Variants in ISM1 observed in about 807,000 individuals in gnomAD.
ISM1 encodes isthmin-1.
A neutral mutation model predicts 46.3 loss-of-function variants in ISM1; 25 were observed. The ratio of observed to expected loss-of-function variants is 0.54; its 90% CI spans 0.39 to 0.75. The LOEUF (loss-of-function observed/expected upper bound fraction) is 0.75, where lower values mean the gene tolerates loss of function less well. ISM1 is among the 30% of genes least tolerant of loss of function. The pLI, the probability that ISM1 is intolerant of heterozygous loss-of-function variation, is 0.00. For missense variants in ISM1, 536 were observed against 625.4 expected, an observed-to-expected ratio of 0.86 and a Z score of 1.52; for synonymous variants, 255 against 256.7, an observed-to-expected ratio of 0.99 and a Z score of 0.06.
At chr20:13,313,141 C>T in the ISM1 span, among the ~76,000 whole-genome samples, 3 of 152,194 alleles carry the variant, frequency 2.0e-5, no homozygotes, top group Non-Finnish European at 4.4e-5. Flanking sequence ...GCCCACAGAT[C>T]CCTTCTACAG....
chr20:13,227,440 TG>T (rs1171646661), intron 1 of ISM1, among the ~76,000 whole-genome samples: 2 of 151,624 alleles, frequency 1.3e-5, no homozygotes, highest in Admixed American at 6.6e-5. Flanking sequence ...CCTGACCTCA[TG>T]ATCTGCCCGC....
Position 13,299,069 on chromosome 20 carries a change from C to G in ISM1, c.1005C>G (p.Ala335=). ...CCACTGAGGTGGCCTACAGCACGGC[C>G]GACATCTTCGACCGCATCAAGCGCA... The part of the protein sequence containing the change: ...SYPTEVAYST[A]DIFDRIKRKD... The change falls in exon 6 of 6, where the codon GCC becomes GCG. Residue 335 remains alanine, a synonymous_variant. Coordinates refer to ENST00000262487, the MANE Select transcript of ISM1 (RefSeq NM_080826.2). The surrounding 1 kb of genome is among the most constrained non-coding windows in gnomAD (Gnocchi z 5.8). The G allele has an allele frequency of 6.2e-7, 1 of 1,613,770 alleles. No individual in the cohort carries two copies. Among genetic ancestry groups the G allele is most frequent in the East Asian group, 2.2e-5 (1 of 44,870 alleles).
chr20:13,259,530 A>G (rs2039965847), intron 1 of ISM1, among the ~76,000 whole-genome samples: 1 of 152,226 alleles, frequency 6.6e-6, no homozygotes, highest in East Asian at 1.9e-4. Flanking sequence ...AATGAATGAA[A>G]GAAAAGGAAG....
intron 2 of ISM1, among the ~76,000 whole-genome samples, chr20:13,278,960 G>A (rs1431511783): frequency 3.3e-5 from 5 of 152,162 alleles, no homozygotes. Flanking sequence ...CCAAGAGAAT[G>A]AAAATGAAAG....
At chr20:13,273,860 TAC>T (rs2040143156) in intron 2 of ISM1, among the ~76,000 whole-genome samples, 1 of 152,196 alleles carries the variant, frequency 6.6e-6, no homozygotes, top group African/African-American at 2.4e-5. Context: ...CTGTGAGCAA[TAC>T]AGAGGGGTGG....
At chr20:13,256,829 G>C (rs1694393072) in intron 1 of ISM1, among the ~76,000 whole-genome samples, 1 of 152,150 alleles carries the variant, frequency 6.6e-6, no homozygotes, top group South Asian at 2.1e-4. Flanking sequence ...CCACCCAGTG[G>C]GAAGCTTTGA....
At chr20:13,226,438 T>C (rs1464074934) in intron 1 of ISM1, among the ~76,000 whole-genome samples, 1 of 152,204 alleles carries the variant, frequency 6.6e-6, no homozygotes, top group Non-Finnish European at 1.5e-5. Flanking sequence ...TGATTGACAA[T>C]TGTTTCACTT....
rs117123146 is a variant in ISM1, at chr20:13,250,339, G to A, written c.139-20165G>A. On this transcript the variant is annotated intron_variant, in intron 1 of 5. Transcript: ENST00000262487. ...GTGCTTTCAGTTAGGAAACTCCTTT[G>A]ATAAGGCTCAGAGTCGATTCAGCTT... is the stretch of plus-strand genomic sequence containing the variant. 7.3e-3 allele frequency among the ~76,000 whole-genome samples: 1,106 copies of A among 152,318 alleles called. 10 individuals carry two copies. The highest frequency in any genetic ancestry group is 0.014 in the Middle Eastern group (4 of 294).
At chr20:13,304,028 T>C (rs2040479798), downstream of ISM1, among the ~76,000 whole-genome samples, 1 of 152,238 alleles carries the variant, frequency 6.6e-6, no homozygotes, top group African/African-American at 2.4e-5. Context: ...ATCTTGTGGC[T>C]CTGCCACCAT....
intron 1 of ISM1, among the ~76,000 whole-genome samples, chr20:13,258,691 GAAC>G (rs1366934263): frequency 6.6e-6 from 1 of 152,098 alleles, no homozygotes; most frequent in Non-Finnish European, 1.5e-5. Flanking sequence ...TCGTTGGTGA[GAAC>G]AACACTGGGA....
At chr20:13,311,281 A>G in the ISM1 span, among the ~76,000 whole-genome samples, 2 of 151,830 alleles carry the variant, frequency 1.3e-5, no homozygotes, top group East Asian at 3.9e-4. Context: ...AGATAGATAG[A>G]TAATAAAATA....
chr20:13,323,059 G>C, the ISM1 span, among the ~76,000 whole-genome samples: 1 of 152,084 alleles, frequency 6.6e-6, no homozygotes, highest in Non-Finnish European at 1.5e-5. Flanking sequence ...TCTGGGGGAA[G>C]ACACCACCCA....
At chr20:13,316,670 AAAAG>A in the ISM1 span, among the ~76,000 whole-genome samples, 1 of 151,922 alleles carries the variant, frequency 6.6e-6, no homozygotes, top group Non-Finnish European at 1.5e-5. Flanking sequence ...CAACTGCTAA[AAAAG>A]AAAGATCACA....
chr20:13,316,258 C>T, the ISM1 span, among the ~76,000 whole-genome samples: 8 of 151,856 alleles, frequency 5.3e-5, no homozygotes, highest in Admixed American at 2.6e-4. Flanking sequence ...AACAGACAAT[C>T]TGAAAAGGTC....
rs1484942731 is a variant in ISM1, at chr20:13,221,842, C to G, written c.66C>G (p.Thr22=). The part of the protein sequence containing the change: ...LGLLLLTLHI[T]VLRGSGAADG... ...TGCTGCTGCTCACGCTGCACATCAC[C>G]GTGCTGCGCGGCTCGGGAGCCGCCG... Residue 22 remains threonine (T), a synonymous_variant, in exon 1 of 6, where the codon ACC becomes ACG. Coordinates refer to ENST00000262487, the MANE Select transcript of ISM1 (RefSeq NM_080826.2). The G allele has an allele frequency of 6.9e-7, 1 of 1,443,654 alleles. No individual in the cohort carries two copies. The highest frequency in any genetic ancestry group is 1.4e-5 in the South Asian group (1 of 72,986). The allele number at this position is 1,443,654 out of a possible 1,614,324, so 89.4% of individuals were successfully genotyped here. A position where few individuals can be genotyped will look rare whatever the true frequency, so the allele number is the denominator to read the frequency against.
intron 1 of ISM1, among the ~76,000 whole-genome samples, chr20:13,258,278 C>T (rs138246564): frequency 6.6e-4 from 100 of 152,180 alleles, no homozygotes; most frequent in African/African-American, 2.1e-3. Context: ...AGGAAATGAA[C>T]GCCCACCTTA....
intron 5 of ISM1, 33 bp from the exon 6 acceptor site, chr20:13,298,909 G>A (rs750802692): frequency 2.5e-6 from 4 of 1,604,430 alleles, no homozygotes; most frequent in African/African-American, 1.3e-5. Context: ...GGTTGTACAC[G>A]CGGTGAGAGG....
chr20:13,251,305 T>A (rs1314427897), intron 1 of ISM1, among the ~76,000 whole-genome samples: 2 of 152,226 alleles, frequency 1.3e-5, no homozygotes, highest in African/African-American at 4.8e-5. Flanking sequence ...TCAGCTTTTA[T>A]TGTAAAAATG....
intron 2 of ISM1, among the ~76,000 whole-genome samples, chr20:13,271,151 G>A (rs1433608951): frequency 2.0e-5 from 3 of 152,208 alleles, no homozygotes; most frequent in African/African-American, 4.8e-5. Context: ...TTGGGCAAAT[G>A]TTTTCAAATA....
Sources: gnomAD v4.1 joint callset for allele counts (sites outside exome capture counted in the v4.1 genomes callset) on GRCh38, gnomAD v4.1.1 for gene constraint, Gnocchi (gnomAD v3.1) non-coding constraint, MANE v1.5 for transcripts, NCBI Gene and HGNC (gene_info 2026-07-23, HGNC 2026-07-21) for gene names.